The following TECTB variants were observed in gnomAD, a reference collection of about 807,000 sequenced individuals.
TECTB encodes the protein beta-tectorin.
A neutral mutation model predicts 43.3 loss-of-function variants in TECTB; 45 were observed. That is an observed-to-expected ratio of 1.04 (90% CI 0.82 to 1.33). The LOEUF is 1.33. TECTB is among the 40% of genes most tolerant of loss of function. The pLI is 0.00. For synonymous variants in TECTB, 169 were observed against 156.7 expected (o/e 1.08, Z -0.59); for missense variants, 399 against 404.7 (o/e 0.99, Z 0.12).
chr10:112,287,032 C>A (rs1470984463), intron 5 of TECTB, among the ~76,000 whole-genome samples: 2 of 152,202 alleles, frequency 1.3e-5, no homozygotes, highest in East Asian at 1.9e-4. Flanking sequence ...AATAAGACAG[C>A]CAATGTCTGA....
At chr10:112,283,867 T>C in intron 2 of TECTB, 57 bp downstream of exon 2, 2 of 1,565,664 alleles carry the variant, frequency 1.3e-6, no homozygotes, top group East Asian at 4.6e-5. Flanking sequence ...AGTTTCCTTT[T>C]ACAATGCTCA....
intron 9 of TECTB, among the ~76,000 whole-genome samples, chr10:112,301,858 G>A (rs900357063): frequency 2.0e-5 from 3 of 152,164 alleles, no homozygotes; most frequent in East Asian, 1.9e-4. Flanking sequence ...TTACAGGCAC[G>A]TGCCACCACA....
chr10:112,298,747 T>C (rs1052687102), intron 8 of TECTB, among the ~76,000 whole-genome samples: 3 of 152,144 alleles, frequency 2.0e-5, no homozygotes, highest in African/African-American at 4.8e-5. Context: ...TTTGACCACG[T>C]GAGAGGAAGG....
At chr10:112,299,349 ACT>A in intron 8 of TECTB, 141 bp from the exon 9 acceptor site, 1 of 683,638 alleles carries the variant, frequency 1.5e-6, no homozygotes, top group Admixed American at 2.8e-5. Flanking sequence ...TAAAAAGGTA[ACT>A]CATCTCTGTT....
rs1326532419 is a variant in TECTB at position 112,284,728 on chromosome 10, A to G, written c.267+3A>G. ...CCTATTGTGGAACCCAGTCTGAGGTAAGACCAGGCCACACAGTGCAGAGTT... is the reference window on the plus strand; with the variant it reads ...CCTATTGTGGAACCCAGTCTGAGGTGAGACCAGGCCACACAGTGCAGAGTT... On this transcript the variant is annotated splice_donor_region_variant and intron_variant, in intron 3 of 10. Coordinates refer to ENST00000646139, the MANE Select transcript of TECTB (RefSeq NM_058222.3). The G allele has an allele frequency of 1.3e-6, 2 of 1,581,960 alleles. No homozygotes were observed. Among genetic ancestry groups the G allele is most frequent in the African/African-American group, 1.3e-5 (1 of 74,484 alleles).
intron 5 of TECTB, among the ~76,000 whole-genome samples, chr10:112,289,371 G>A (rs1848479868): frequency 6.6e-6 from 1 of 152,116 alleles, no homozygotes; most frequent in Non-Finnish European, 1.5e-5. Context: ...AAGCAATAGA[G>A]GCCAAAATCA....
At chr10:112,290,602 T>C (rs1204897627) in intron 5 of TECTB, among the ~76,000 whole-genome samples, 1 of 152,234 alleles carries the variant, frequency 6.6e-6, no homozygotes, top group Non-Finnish European at 1.5e-5. Context: ...TTGGGAGCGA[T>C]ACCTCTGACA....
intron 9 of TECTB, among the ~76,000 whole-genome samples, chr10:112,300,343 A>G (rs1337774050): frequency 2.9e-5 from 4 of 138,462 alleles, no homozygotes; most frequent in African/African-American, 7.5e-5. Context: ...AAAAGAAAAG[A>G]AAGAAGGAAG....
At position 112,300,269 on chromosome 10, in the gene TECTB, AGAAAG is replaced by A. The variant is rs1848592923; in HGVS notation, c.907+706_907+710del. Reference sequence around the variant, plus strand: ...AAGAAAGAAAGAAAGAAAGAAAGAAAGAAAGAAAGAAAAGAAAGAAAGAAAGAAAG... The same window carrying A: ...AAGAAAGAAAGAAAGAAAGAAAGAAAAAAGAAAAGAAAGAAAGAAAGAAAG... On this transcript the variant is annotated intron_variant, in intron 9 of 10. Coordinates refer to ENST00000646139, the MANE Select transcript of TECTB (RefSeq NM_058222.3). 3.9e-3 allele frequency among the ~76,000 whole-genome samples: 138 copies of A among 35,696 alleles called. 8 individuals carry two copies. The South Asian group carries it at 0.11, about 29-fold the overall frequency. The allele number at this position is 35,696 out of a possible 152,430, so 23.4% of individuals were successfully genotyped here.
chr10:112,299,571 G>T lies in TECTB; in HGVS notation c.907+7G>T. ...GTGGAGCTCTCCCTGCGGAGTAAGC[G>T]TCTCTGTTTTCCTCTGTTTTCCAAA... On this transcript the variant is annotated splice_region_variant and intron_variant, in intron 9 of 10. Coordinates refer to ENST00000646139, the MANE Select transcript of TECTB (RefSeq NM_058222.3). 1 of 1,555,298 alleles carries T rather than the reference G, an allele frequency of 6.4e-7. No individual in the cohort carries two copies. The highest frequency in any genetic ancestry group is 1.9e-5 in the Admixed American group (1 of 53,808).
intron 5 of TECTB, among the ~76,000 whole-genome samples, chr10:112,287,031 G>T (rs986934899): frequency 6.6e-6 from 1 of 152,186 alleles, no homozygotes; most frequent in African/African-American, 2.4e-5. Context: ...CAATAAGACA[G>T]CCAATGTCTG....
At chr10:112,292,930 G>A (rs1364458978) in intron 5 of TECTB, among the ~76,000 whole-genome samples, 5 of 152,076 alleles carry the variant, frequency 3.3e-5, no homozygotes, top group South Asian at 2.1e-4. Flanking sequence ...TAGCTACATG[G>A]CCCCCCTCCT....
chr10:112,299,545 C>G lies in TECTB; in HGVS notation c.888C>G (p.Val296=). The change falls in exon 9 of 11, where the codon GTC becomes GTG. Residue 296 remains valine, a synonymous_variant. Coordinates refer to ENST00000646139, the MANE Select transcript of TECTB (RefSeq NM_058222.3). The part of the protein sequence containing the change: ...LLRDQTGGVL[V]VELSLRSRGF... ...GAGACCAGACCGGGGGAGTCCTGGTCGTGGAGCTCTCCCTGCGGAGTAAGC... is the reference window on the plus strand; with the variant it reads ...GAGACCAGACCGGGGGAGTCCTGGTGGTGGAGCTCTCCCTGCGGAGTAAGC... The G allele has an allele frequency of 6.2e-7, 1 of 1,613,310 alleles. No homozygotes were observed. Among genetic ancestry groups the G allele is most frequent in the Non-Finnish European group, 8.5e-7 (1 of 1,179,916 alleles).
At chr10:112,295,096 A>G (rs1264461793) in intron 7 of TECTB, among the ~76,000 whole-genome samples, 1 of 152,246 alleles carries the variant, frequency 6.6e-6, no homozygotes, top group African/African-American at 2.4e-5. Context: ...ACAGGGCTAG[A>G]CAAGAGATGT....
intron 10 of TECTB, 69 bp from the exon 11 acceptor site, chr10:112,303,194 T>C: frequency 6.3e-7 from 1 of 1,579,976 alleles, no homozygotes; most frequent in Non-Finnish European, 8.7e-7. Context: ...AGTTAACTCT[T>C]CTGTTGAGTT....
chr10:112,298,011 AGCTC>A, intron 7 of TECTB, 54 bp from the exon 8 acceptor site: 1 of 1,610,154 alleles, frequency 6.2e-7, no homozygotes, highest in South Asian at 1.1e-5. Flanking sequence ...ATCGCTCAGC[AGCTC>A]TTGCTGGAGT....
intron 9 of TECTB, chr10:112,299,821 T>C (rs1324242396): frequency 6.3e-6 from 3 of 472,600 alleles, no homozygotes; most frequent in African/African-American, 5.8e-5. Context: ...AATCAGGAAG[T>C]GCTGAGCTTC....
In TECTB at chr10:112,303,523, T is replaced by C; in HGVS notation, c.*211T>C. The C allele has an allele frequency of 9.9e-6, 6 of 604,838 alleles. No homozygotes were observed. The Middle Eastern group carries it at 1.8e-3, about 183-fold the overall frequency. The allele number at this position is 604,838 out of a possible 1,614,324, so 37.5% of individuals were successfully genotyped here. On this transcript the variant is annotated 3_prime_UTR_variant, in exon 11 of 11. Coordinates refer to ENST00000646139, the MANE Select transcript of TECTB (RefSeq NM_058222.3). ...AAACTTAGGCTACTTCCCGTGGCCCTTAGATCTCACAGTCCTTCTACAGCT... is the reference window on the plus strand; with the variant it reads ...AAACTTAGGCTACTTCCCGTGGCCCCTAGATCTCACAGTCCTTCTACAGCT...
intron 7 of TECTB, among the ~76,000 whole-genome samples, chr10:112,295,641 G>C (rs779117219): frequency 1.3e-5 from 2 of 152,232 alleles, no homozygotes; most frequent in African/African-American, 2.4e-5. Context: ...TTCAGCCTCT[G>C]TTAGCAATGG....
Sources: allele counts gnomAD v4.1 joint callset (sites outside exome capture counted in the v4.1 genomes callset), GRCh38; gene constraint gnomAD v4.1.1; transcripts MANE v1.5; gene names NCBI Gene and HGNC (gene_info 2026-07-23, HGNC 2026-07-21).